TAF4B: variants seen among roughly 807,000 people sequenced by gnomAD.
TAF4B encodes transcription initiation factor TFIID subunit 4B.
A neutral mutation model predicts 86.4 loss-of-function variants in TAF4B; 38 were observed. The observed-to-expected ratio is 0.44, with a 90% confidence interval of 0.34 to 0.58. TAF4B has a LOEUF of 0.58. TAF4B is among the 20% of genes least tolerant of loss of function. TAF4B has a pLI of 0.02. For missense variants in TAF4B, 988 were observed against 1,027.6 expected, an observed-to-expected ratio of 0.96 and a Z score of 0.53; for synonymous variants, 388 against 391.2, an observed-to-expected ratio of 0.99 and a Z score of 0.10.
At chr18:26,324,351 A>G (rs146968455) in intron 11 of TAF4B, among the ~76,000 whole-genome samples, 5 of 152,164 alleles carry the variant, frequency 3.3e-5, no homozygotes, top group African/African-American at 4.8e-5. Flanking sequence ...GCCTCAAGCA[A>G]TCCACCCGCC....
intron 1 of TAF4B, among the ~76,000 whole-genome samples, chr18:26,244,031 A>G (rs1486634560): frequency 1.3e-5 from 2 of 152,230 alleles, no homozygotes; most frequent in East Asian, 1.9e-4. Flanking sequence ...CTCTGGCATC[A>G]GGGACCCACT....
chr18:26,315,235 G>C lies in TAF4B; in HGVS notation c.1839G>C (p.Glu613Asp), dbSNP rs1568148313. The C allele has an allele frequency of 1.9e-5, 30 of 1,588,666 alleles. No homozygotes were observed. The highest frequency in any genetic ancestry group is 2.2e-5 in the Non-Finnish European group (26 of 1,168,722). Residue 613 changes from glutamate (E) to aspartate (D), a missense_variant, in exon 10 of 15, where the codon GAG (glutamate) becomes GAC (aspartate). Glu to Asp is a conservative substitution (Grantham distance 45, BLOSUM62 2). Transcript: ENST00000269142. ...TTTTTTTTTTTTCTATTAGAGATGA[G>C]GATGACATCAATGATGTGACTTCTA... is the stretch of plus-strand genomic sequence containing the variant. ...KENVTSCFRDEDDINDVTSMA... is the reference protein window; with the variant it reads ...KENVTSCFRDDDDINDVTSMA...
chr18:26,339,257 T>C (rs184807617), intron 13 of TAF4B, among the ~76,000 whole-genome samples: 104 of 152,338 alleles, frequency 6.8e-4, no homozygotes, highest in South Asian at 4.8e-3. Context: ...CTAGATACTT[T>C]TCCTAAAATG....
intron 1 of TAF4B, among the ~76,000 whole-genome samples, chr18:26,231,351 T>G (rs1300363316): frequency 5.3e-5 from 7 of 132,430 alleles, no homozygotes; most frequent in African/African-American, 1.5e-4. Flanking sequence ...TGGGGTTTTT[T>G]TTTTTTTTTT....
intron 13 of TAF4B, among the ~76,000 whole-genome samples, chr18:26,347,467 A>C (rs986645023): frequency 6.6e-6 from 1 of 152,244 alleles, no homozygotes; most frequent in African/African-American, 2.4e-5. Flanking sequence ...ATTTTTCTTT[A>C]CAGGAAAAGA....
In TAF4B at chr18:26,364,202, G is replaced by A. The variant is rs528448450; in HGVS notation, c.2421+6408G>A. ...ATAGCATCAGCTGCTATCTCCTTAT[G>A]TTATCCTGACAAAGAGCAGCAAGTA... On this transcript the variant is annotated intron_variant, in intron 14 of 14. Coordinates refer to ENST00000269142, the MANE Select transcript of TAF4B (RefSeq NM_005640.3). Among the ~76,000 whole-genome samples, 5 of 152,174 alleles carry A rather than the reference G, an allele frequency of 3.3e-5. No homozygotes were observed. In the South Asian group the frequency reaches 6.2e-4, roughly 19 times the overall value.
intron 11 of TAF4B, among the ~76,000 whole-genome samples, chr18:26,322,430 A>T (rs1408157244): frequency 6.6e-6 from 1 of 150,920 alleles, no homozygotes; most frequent in South Asian, 2.1e-4. Flanking sequence ...TAATATCAGT[A>T]TTTTATAATT....
At chr18:26,270,695 A>G (rs905119583) in intron 3 of TAF4B, among the ~76,000 whole-genome samples, 5 of 150,902 alleles carry the variant, frequency 3.3e-5, no homozygotes, top group Non-Finnish European at 5.9e-5. Flanking sequence ...CTAAGCTTAA[A>G]CTAAAACTTA....
At chr18:26,357,926 C>T (rs1372832868) in intron 14 of TAF4B, 132 bp downstream of exon 14, 2 of 556,122 alleles carry the variant, frequency 3.6e-6, no homozygotes, top group Non-Finnish European at 5.9e-6. Flanking sequence ...TCATCTTTGC[C>T]AATTTTATAA....
intron 1 of TAF4B, among the ~76,000 whole-genome samples, chr18:26,260,716 T>C (rs567257439): frequency 1.2e-3 from 182 of 148,530 alleles, no homozygotes; most frequent in African/African-American, 4.5e-3. Flanking sequence ...GATCTTTCTT[T>C]TGCCAGTTTA....
rs551129815 is a variant in TAF4B at position 26,389,965 on chromosome 18, C to T, written c.2542C>T (p.Arg848Trp). Residue 848 changes from arginine to tryptophan, a missense_variant, in exon 15 of 15, where the codon CGG becomes TGG. Physicochemically the swap from Arg to Trp is moderately radical, Grantham distance 101. Coordinates refer to ENST00000269142, the MANE Select transcript of TAF4B (RefSeq NM_005640.3). ...RDLIFCMEQE[R>W]EMKYSRALYL... ...CTTGATATTTTGTATGGAACAGGAA[C>T]GGGAGATGAAGTATTCTCGAGCTCT... 1.3e-5 allele frequency: 21 copies of T among 1,614,062 alleles called. No homozygotes were observed. The highest frequency in any genetic ancestry group is 6.6e-5 in the South Asian group (6 of 91,082).
At chr18:26,369,902 C>T (rs1472854823) in intron 14 of TAF4B, among the ~76,000 whole-genome samples, 6 of 152,138 alleles carry the variant, frequency 3.9e-5, no homozygotes, top group South Asian at 2.1e-4. Context: ...TGAATTAGTT[C>T]TGGGTTTTCC....
intron 1 of TAF4B, among the ~76,000 whole-genome samples, chr18:26,253,100 A>C (rs2056030625): frequency 6.6e-6 from 1 of 152,200 alleles, no homozygotes; most frequent in Non-Finnish European, 1.5e-5. Flanking sequence ...ATGTTGAACA[A>C]AAGTAGTGAT....
intron 3 of TAF4B, among the ~76,000 whole-genome samples, chr18:26,268,227 A>T (rs1437484829): frequency 1.3e-5 from 2 of 151,090 alleles, no homozygotes; most frequent in East Asian, 3.9e-4. Context: ...AGTACATATC[A>T]CTCCTTGTCA....
chr18:26,374,656 G>T lies in TAF4B; in HGVS notation c.2422-15189G>T, dbSNP rs2057430644. Among the ~76,000 whole-genome samples, 2 of 152,106 alleles carry T rather than the reference G, an allele frequency of 1.3e-5. 1 individual carries two copies. Among genetic ancestry groups the T allele is most frequent in the South Asian group, 4.1e-4 (2 of 4,832 alleles). ...TTACCTTTTCATAGTTTAAATGATG[G>T]TTAATTTCTCTGTGAAATTTGTCCC... On this transcript the variant is annotated intron_variant, in intron 14 of 14. Coordinates refer to ENST00000269142, the MANE Select transcript of TAF4B (RefSeq NM_005640.3).
intron 2 of TAF4B, among the ~76,000 whole-genome samples, chr18:26,266,501 G>T (rs1266814184): frequency 1.3e-5 from 2 of 152,150 alleles, no homozygotes; most frequent in African/African-American, 4.8e-5. Flanking sequence ...TTGTTAGAAT[G>T]ACCTATTTTA....
chr18:26,314,089 T>C (rs1169932307), intron 9 of TAF4B, among the ~76,000 whole-genome samples: 2 of 152,202 alleles, frequency 1.3e-5, no homozygotes, highest in Non-Finnish European at 2.9e-5. Context: ...TTGAGCATTT[T>C]ACACTTTATT....
chr18:26,231,342 GGGGTTT>G (rs1436412954), intron 1 of TAF4B, among the ~76,000 whole-genome samples: 5 of 30,926 alleles, frequency 1.6e-4, no homozygotes, highest in Admixed American at 5.8e-4. Flanking sequence ...CCAGCTGCTT[GGGGTTT>G]TTTTTTTTTT....
chr18:26,296,413 C>T lies in TAF4B; in HGVS notation c.1832+2882C>T, dbSNP rs921959112. Reference sequence around the variant, plus strand: ...TTTAGTCTTATGCCCACCACTGGCTCTGCCCTGTCTCTCTTTTCTGCAGTT... The same window carrying T: ...TTTAGTCTTATGCCCACCACTGGCTTTGCCCTGTCTCTCTTTTCTGCAGTT... On this transcript the variant is annotated intron_variant, in intron 9 of 14. Transcript: ENST00000269142. Among the ~76,000 whole-genome samples, 4 of 151,152 alleles carry T rather than the reference C, an allele frequency of 2.6e-5. No individual in the cohort carries two copies. The East Asian group carries it at 7.8e-4, about 30-fold the overall frequency.
Sources: gnomAD v4.1 joint callset for allele counts (sites outside exome capture counted in the v4.1 genomes callset) on GRCh38, gnomAD v4.1.1 for gene constraint, MANE v1.5 for transcripts, NCBI Gene and HGNC (gene_info 2026-07-23, HGNC 2026-07-21) for gene names.